The following EMC3 variants were observed in gnomAD, a reference collection of about 807,000 sequenced individuals.
The protein encoded by EMC3 is 30 kDa protein.
Under a neutral mutation model 36.6 loss-of-function variants are expected in EMC3, and 13 were observed. The ratio of observed to expected loss-of-function variants is 0.35; its 90% CI spans 0.23 to 0.56. The LOEUF (loss-of-function observed/expected upper bound fraction) is 0.56, where lower values mean the gene tolerates loss of function less well. Among genes scored for constraint, EMC3 ranks in the 20% least tolerant of loss-of-function variants. The probability of loss-of-function intolerance (pLI) is 0.84; values close to 1 mark genes in which losing one functional copy is unlikely to be tolerated. For synonymous variants in EMC3, 120 were observed against 111.9 expected (o/e 1.07, Z -0.46); for missense variants, 220 against 324.5 (o/e 0.68, Z 2.47).
At chr3:10,009,149 G>A (rs1378196815) in intron 1 of EMC3, 1 of 152,314 alleles carries the variant, frequency 6.6e-6, no homozygotes, top group Non-Finnish European at 1.5e-5. Context: ...ACTCAGCCCA[G>A]CCTGGGCGGG....
intron 3 of EMC3, among the ~76,000 whole-genome samples, chr3:9,975,398 A>G (rs970081224): frequency 6.6e-6 from 1 of 152,154 alleles, no homozygotes; most frequent in African/African-American, 2.4e-5. Context: ...ACTGTCAGCA[A>G]GGCCCCACCT....
In EMC3 at chr3:9,977,433, G is replaced by A; in HGVS notation, c.169C>T (p.Arg57Ter). 4.3e-6 allele frequency: 7 copies of A among 1,612,228 alleles called. No homozygotes were observed. The highest frequency in any genetic ancestry group is 5.9e-6 in the Non-Finnish European group (7 of 1,179,512). Residue 57 changes from arginine to a stop codon, truncating the protein, a stop_gained, in exon 2 of 8, where the codon CGA (arginine) becomes TGA (stop). Transcript: ENST00000245046. LOFTEE classifies it high-confidence loss of function. ...CCATTTTCCCTGAGGACTCTGCTTC[G>A]AATTAGGACTTGACTGAAAAATACA... Reference protein sequence around the residue: ...EQVSDSQVLIRSRVLRENGKY... With the variant: ...EQVSDSQVLI
intron 1 of EMC3, chr3:10,000,671 A>G (rs536830730): frequency 3.6e-4 from 171 of 479,638 alleles, no homozygotes; most frequent in African/African-American, 3.3e-3. Flanking sequence ...AAGATAAGCT[A>G]TCAAGCCTGC....
chr3:9,998,951 T>A (rs1312823355), intron 1 of EMC3, among the ~76,000 whole-genome samples: 1 of 152,082 alleles, frequency 6.6e-6, no homozygotes, highest in Non-Finnish European at 1.5e-5. Context: ...AGACATAAGG[T>A]TTCGTCATGT....
chr3:9,991,108 G>A (rs2086046550), upstream of EMC3, among the ~76,000 whole-genome samples: 1 of 152,126 alleles, frequency 6.6e-6, no homozygotes, highest in Non-Finnish European at 1.5e-5. Context: ...GATTACAGGT[G>A]TGAGCCACCG....
In EMC3 at chr3:9,963,808, T is replaced by TC; in HGVS notation, c.*260dup. 2 of 371,426 alleles carry TC rather than the reference T, an allele frequency of 5.4e-6. No homozygotes were observed. Among genetic ancestry groups the TC allele is most frequent in the Non-Finnish European group, 9.5e-6 (2 of 209,976 alleles). 23.0% of individuals were successfully genotyped at this position (371,426 alleles called of 1,614,324 possible). ...TATATATTATCAGTAGCCTGAGGTT[T>TC]CCCCCTTTCTCTGACTTTCATTACT... On this transcript the variant is annotated 3_prime_UTR_variant, in exon 8 of 8. Coordinates refer to ENST00000245046, the MANE Select transcript of EMC3 (RefSeq NM_001394674.1).
chr3:9,986,579 C>T lies in EMC3; in HGVS notation c.83G>A (p.Gly28Asp). Reference protein sequence around the residue: ...LPIVIITFFVGMIRHYVSILL... With the variant: ...LPIVIITFFVDMIRHYVSILL... ...GATGGACACGTAGTGGCGGATCATG[C>T]CTACGAAGAAAGTGATGATAACGAT... Residue 28 changes from glycine to aspartate, a missense_variant, in exon 1 of 8, where the codon GGC becomes GAC. By Grantham distance (94) the Gly-to-Asp change is moderately conservative (BLOSUM62 -1). Around this residue, in one of 3 missense-constraint regions of EMC3, gnomAD observed 127 missense variants for 174.6 expected, o/e 0.73. Coordinates refer to ENST00000245046, the MANE Select transcript of EMC3 (RefSeq NM_001394674.1). The T allele has an allele frequency of 6.2e-7, 1 of 1,614,144 alleles. No individual in the cohort carries two copies. The highest frequency in any genetic ancestry group is 8.5e-7 in the Non-Finnish European group (1 of 1,180,032).
intron 1 of EMC3, among the ~76,000 whole-genome samples, chr3:9,999,898 A>G (rs992959706): frequency 6.6e-6 from 1 of 152,206 alleles, no homozygotes; most frequent in African/African-American, 2.4e-5. Flanking sequence ...GCAAATGAAC[A>G]CCAAACACAG....
chr3:9,986,833 C>CT lies in EMC3; in HGVS notation c.-173dup, dbSNP rs907479349. ...ACTGCCTTCAGCTGGGCTGCCTGGT[C>CT]TTCCACTTCCGGCGCGAACGTTGAC... On this transcript the variant is annotated 5_prime_UTR_variant, in exon 1 of 8. Transcript: ENST00000245046. 31 of 1,395,244 alleles carry CT rather than the reference C, an allele frequency of 2.2e-5. No homozygotes were observed. The African/African-American group carries it at 3.9e-4, about 18-fold the overall frequency. 86.4% of individuals were successfully genotyped at this position (1,395,244 alleles called of 1,614,324 possible).
At chr3:10,009,681 A>C (rs1040514878) in intron 1 of EMC3, among the ~76,000 whole-genome samples, 1 of 152,172 alleles carries the variant, frequency 6.6e-6, no homozygotes, top group Non-Finnish European at 1.5e-5. Flanking sequence ...CTCCCAGTCC[A>C]ATTCACAGTC....
In EMC3 at chr3:9,976,076, C is replaced by T. The variant is rs539669580; in HGVS notation, c.307+881G>A. ...TAAAATGAGAGGAGTCAACACAGAA[C>T]AACAAATTACTTTGTTTTACTTTTA... On this transcript the variant is annotated intron_variant, in intron 3 of 7. Transcript: ENST00000245046. Among the ~76,000 whole-genome samples, 131 of 152,142 alleles carry T rather than the reference C, an allele frequency of 8.6e-4. 1 individual carries two copies. The highest frequency in any genetic ancestry group is 7.7e-3 in the South Asian group (37 of 4,826).
intron 1 of EMC3, among the ~76,000 whole-genome samples, chr3:9,998,365 CAAATAA>C (rs1359020030): frequency 2.2e-4 from 12 of 54,388 alleles, no homozygotes; most frequent in African/African-American, 5.6e-4. Context: ...GACTCTGTCT[CAAATAA>C]TAATAATAAT....
intron 1 of EMC3, among the ~76,000 whole-genome samples, chr3:9,984,122 G>A (rs1228390535): frequency 6.7e-6 from 1 of 148,720 alleles, no homozygotes; most frequent in Non-Finnish European, 1.5e-5. Flanking sequence ...TCGCTCTGTC[G>A]CCAGGCTGGA....
intron 1 of EMC3, among the ~76,000 whole-genome samples, chr3:9,984,096 T>A (rs1359596230): frequency 2.0e-5 from 3 of 151,504 alleles, no homozygotes; most frequent in Admixed American, 2.0e-4. Flanking sequence ...TTTTTTTTTT[T>A]AAATGAGATG....
In EMC3 at chr3:9,964,063, C is replaced by T. The variant is rs548770830; in HGVS notation, c.*6G>A. On this transcript the variant is annotated 3_prime_UTR_variant, in exon 8 of 8. Coordinates refer to ENST00000245046, the MANE Select transcript of EMC3 (RefSeq NM_001394674.1). ...GTTCCTGACACAGCTAATCCCTGCT[C>T]GGTCTTCAAAAAATAGAGGTCTGTA... 136 of 1,613,888 alleles carry T rather than the reference C, an allele frequency of 8.4e-5. No individual in the cohort carries two copies. The highest frequency in any genetic ancestry group is 3.3e-4 in the Middle Eastern group (2 of 6,062).
chr3:10,007,980 G>A (rs2086282152), intron 1 of EMC3, among the ~76,000 whole-genome samples: 1 of 152,166 alleles, frequency 6.6e-6, no homozygotes, highest in African/African-American at 2.4e-5. Context: ...GAGTGTTATA[G>A]GGCTCCTTGT....
upstream of EMC3, chr3:9,988,292 C>G: frequency 1.4e-6 from 1 of 698,772 alleles, no homozygotes; most frequent in East Asian, 2.7e-5. Flanking sequence ...GGGTACATGG[C>G]TACTAAGCAG....
intron 1 of EMC3, among the ~76,000 whole-genome samples, chr3:9,998,466 G>A (rs1341266410): frequency 6.7e-6 from 1 of 149,414 alleles, no homozygotes; most frequent in Non-Finnish European, 1.5e-5. Context: ...ATCTTGCTCT[G>A]TCACCCAGGC....
chr3:9,985,653 T>C (rs1039509323), intron 1 of EMC3, among the ~76,000 whole-genome samples: 1 of 152,126 alleles, frequency 6.6e-6, no homozygotes. Context: ...CCCAGCACTT[T>C]GGGAGGCCAA....
Sources: gnomAD v4.1 joint callset for allele counts (sites outside exome capture counted in the v4.1 genomes callset) on GRCh38, gnomAD v4.1.1 for gene constraint, gnomAD v4.1.1 regional missense constraint, MANE v1.5 for transcripts, NCBI Gene and HGNC (gene_info 2026-07-23, HGNC 2026-07-21) for gene names.